ARHGAP15: variants seen among roughly 807,000 people sequenced by gnomAD.
ARHGAP15 encodes the protein Rho GTPase activating protein 15, also known as rho GTPase-activating protein 15.
In ARHGAP15, 51 loss-of-function variants were observed where a neutral mutation model predicts 63.7. That is an observed-to-expected ratio of 0.80 (90% CI 0.64 to 1.01). The LOEUF (loss-of-function observed/expected upper bound fraction) is 1.01, where lower values mean the gene tolerates loss of function less well. Among genes scored for constraint, ARHGAP15 ranks in the 50% least tolerant of loss-of-function variants. ARHGAP15 has a pLI of 0.00. For synonymous variants in ARHGAP15, 191 were observed against 193.8 expected (o/e 0.99, Z 0.12); for missense variants, 560 against 564.6 (o/e 0.99, Z 0.08).
At chr2:143,401,993 T>C (rs1688007734) in intron 6 of ARHGAP15, among the ~76,000 whole-genome samples, 1 of 151,966 alleles carries the variant, frequency 6.6e-6, no homozygotes, top group Non-Finnish European at 1.5e-5. Flanking sequence ...TCTGACGTTG[T>C]ATCCCAGAAA....
rs571716108 is a variant in ARHGAP15 at position 143,302,777 on chromosome 2, G to A, written c.474+52177G>A. On this transcript the variant is annotated intron_variant, in intron 6 of 13. Coordinates refer to ENST00000295095, the MANE Select transcript of ARHGAP15 (RefSeq NM_018460.4). Reference sequence around the variant, plus strand: ...CTCACAAAATGATCCCTTTATCAAAGAGAAAAGACTCAATTGAATAAATCA... The same window carrying A: ...CTCACAAAATGATCCCTTTATCAAAAAGAAAAGACTCAATTGAATAAATCA... 5.9e-5 allele frequency among the ~76,000 whole-genome samples: 9 copies of A among 152,030 alleles called. 1 individual carries two copies. The South Asian group carries it at 1.9e-3, about 32-fold the overall frequency.
At chr2:143,135,412 AAGTATACT>A (rs1689096715) in intron 1 of ARHGAP15, among the ~76,000 whole-genome samples, 1 of 152,192 alleles carries the variant, frequency 6.6e-6, no homozygotes, top group Non-Finnish European at 1.5e-5. Context: ...TTTGAACTCT[AAGTATACT>A]ATGTTGTCCT....
chr2:143,678,888 C>G (rs1682957326), intron 12 of ARHGAP15, among the ~76,000 whole-genome samples: 1 of 152,096 alleles, frequency 6.6e-6, no homozygotes, highest in South Asian at 2.1e-4. Context: ...TAGCTTTATC[C>G]TAAGCAATAA....
chr2:143,207,432 AT>A (rs1692375523), intron 3 of ARHGAP15, among the ~76,000 whole-genome samples: 1 of 151,310 alleles, frequency 6.6e-6, no homozygotes, highest in African/African-American at 2.4e-5. Flanking sequence ...ATACCCGAAT[AT>A]TTTTCTGTTT....
At chr2:143,208,520 A>T (rs1173792555) in intron 3 of ARHGAP15, among the ~76,000 whole-genome samples, 1 of 152,188 alleles carries the variant, frequency 6.6e-6, no homozygotes, top group Admixed American at 6.6e-5. Flanking sequence ...TTCAGAGTGG[A>T]AACTACCCAG....
chr2:143,317,771 G>A (rs1409141502), intron 6 of ARHGAP15, among the ~76,000 whole-genome samples: 1 of 152,152 alleles, frequency 6.6e-6, no homozygotes, highest in African/African-American at 2.4e-5. Flanking sequence ...AGGATGGACT[G>A]GATTAAGAGG....
intron 12 of ARHGAP15, among the ~76,000 whole-genome samples, chr2:143,660,516 C>A (rs181030545): frequency 1.3e-5 from 2 of 152,116 alleles, no homozygotes; most frequent in Admixed American, 1.3e-4. Context: ...ATTTTAAAAT[C>A]GTAAGAATAA....
chr2:143,442,280 C>T (rs552320230), intron 8 of ARHGAP15, among the ~76,000 whole-genome samples: 4 of 152,246 alleles, frequency 2.6e-5, no homozygotes, highest in African/African-American at 9.6e-5. Context: ...AAACCATGTA[C>T]CAAGCCACAA....
chr2:143,708,968 A>G (rs1684452609), intron 13 of ARHGAP15, among the ~76,000 whole-genome samples: 1 of 152,158 alleles, frequency 6.6e-6, no homozygotes, highest in African/African-American at 2.4e-5. Flanking sequence ...ATATCCACCT[A>G]GAATCTTATC....
At chr2:143,217,396 G>T (rs1176939194) in intron 4 of ARHGAP15, among the ~76,000 whole-genome samples, 2 of 152,184 alleles carry the variant, frequency 1.3e-5, no homozygotes, top group Admixed American at 6.5e-5. Context: ...AGCTATTTCA[G>T]TTGTAAATAA....
intron 6 of ARHGAP15, among the ~76,000 whole-genome samples, chr2:143,290,642 C>T (rs909289299): frequency 6.6e-6 from 1 of 151,948 alleles, no homozygotes; most frequent in African/African-American, 2.4e-5. Flanking sequence ...TTGTTTTAGC[C>T]CATGCACTTT....
At chr2:143,137,224 C>T (rs1433277272) in intron 1 of ARHGAP15, among the ~76,000 whole-genome samples, 1 of 151,860 alleles carries the variant, frequency 6.6e-6, no homozygotes, top group Non-Finnish European at 1.5e-5. Context: ...CTATTTTCAC[C>T]TTAGAATGTG....
chr2:143,622,626 A>G (rs1698682303), intron 11 of ARHGAP15, among the ~76,000 whole-genome samples: 1 of 152,104 alleles, frequency 6.6e-6, no homozygotes, highest in African/African-American at 2.4e-5. Context: ...TGTGTATCAC[A>G]TTATTGTGTT....
chr2:143,294,380 C>A (rs776848970), intron 6 of ARHGAP15, among the ~76,000 whole-genome samples: 2 of 152,074 alleles, frequency 1.3e-5, no homozygotes, highest in African/African-American at 4.8e-5. Context: ...ATAATACTAG[C>A]TGCTGTAACA....
Position 143,703,288 on chromosome 2 carries a change from C to T in ARHGAP15, c.1139-131C>T. On this transcript the variant is annotated intron_variant, in intron 12 of 13. Transcript: ENST00000295095. Reference sequence around the variant, plus strand: ...AATAACCAGGTTGAGTCCACCTATTCCCTTTGACTACTGACTAGGACTCTT... The same window carrying T: ...AATAACCAGGTTGAGTCCACCTATTTCCTTTGACTACTGACTAGGACTCTT... The T allele has an allele frequency of 2.0e-5, 12 of 595,956 alleles. No individual in the cohort carries two copies. In the South Asian group the frequency reaches 2.7e-4, roughly 13 times the overall value. 36.9% of individuals were successfully genotyped at this position (595,956 alleles called of 1,614,324 possible).
At position 143,155,535 on chromosome 2, in the gene ARHGAP15, T is replaced by G. The variant is rs561039053; in HGVS notation, c.45T>G (p.Asn15Lys). ...TNSDTSVETL[N>K]STRQGTGAVQ... ...CTGATACTTCCGTGGAAACACTGAA[T>G]TCTACCCGCCAAGGCACAGGAGCTG... is the stretch of plus-strand genomic sequence containing the variant. Residue 15 changes from asparagine to lysine, a missense_variant, in exon 2 of 14, where the codon AAT (asparagine) becomes AAG (lysine). Coordinates refer to ENST00000295095, the MANE Select transcript of ARHGAP15 (RefSeq NM_018460.4). 2.2e-5 allele frequency: 35 copies of G among 1,609,356 alleles called. No homozygotes were observed. The highest frequency in any genetic ancestry group is 1.1e-5 in the Non-Finnish European group (13 of 1,178,066).
Position 143,706,313 on chromosome 2 carries a change from T to C in ARHGAP15, c.1244+2789T>C, listed in dbSNP as rs560023677. The C allele has an allele frequency of 3.9e-5, 6 of 152,340 alleles. No individual in the cohort carries two copies. In the South Asian group the frequency reaches 1.0e-3, roughly 26 times the overall value. The allele number at this position is 152,340 out of a possible 1,614,324, so 9.4% of individuals were successfully genotyped here. A position where few individuals can be genotyped will look rare whatever the true frequency, so the allele number is the denominator to read the frequency against. On this transcript the variant is annotated intron_variant, in intron 13 of 13. Coordinates refer to ENST00000295095, the MANE Select transcript of ARHGAP15 (RefSeq NM_018460.4). ...GTTTGAAAGAATCATTAGAATGTTTTCCTTAGTCTTAATGCATTTGGTAGT... is the reference window on the plus strand; with the variant it reads ...GTTTGAAAGAATCATTAGAATGTTTCCCTTAGTCTTAATGCATTTGGTAGT...
chr2:143,385,081 G>T (rs1687220832), intron 6 of ARHGAP15, among the ~76,000 whole-genome samples: 1 of 152,106 alleles, frequency 6.6e-6, no homozygotes, highest in African/African-American at 2.4e-5. Context: ...ATTGATGACT[G>T]CTTCAGTAAT....
At chr2:143,475,662 G>T (rs909275641) in intron 8 of ARHGAP15, among the ~76,000 whole-genome samples, 1 of 152,212 alleles carries the variant, frequency 6.6e-6, no homozygotes, top group Non-Finnish European at 1.5e-5. Flanking sequence ...GAATGTGGGG[G>T]TAAGAAGGCC....
Sources: allele counts gnomAD v4.1 joint callset (sites outside exome capture counted in the v4.1 genomes callset), GRCh38; gene constraint gnomAD v4.1.1; transcripts MANE v1.5; gene names NCBI Gene and HGNC (gene_info 2026-07-23, HGNC 2026-07-21).